The following TRANK1 variants were observed in gnomAD, a reference collection of about 807,000 sequenced individuals.
The protein encoded by TRANK1 is TPR and ankyrin repeat-containing protein 1.
In TRANK1, 198 loss-of-function variants were observed where a neutral mutation model predicts 266.0. The ratio of observed to expected loss-of-function variants is 0.74; its 90% CI spans 0.66 to 0.84. The LOEUF is 0.84. TRANK1 is among the 40% of genes least tolerant of loss of function. The probability of loss-of-function intolerance (pLI) is 0.00; values close to 1 mark genes in which losing one functional copy is unlikely to be tolerated. For synonymous variants in TRANK1, 1,396 were observed against 1,384.1 expected, an observed-to-expected ratio of 1.01 and a Z score of -0.19; for missense variants, 3,326 against 3,634.6, an observed-to-expected ratio of 0.92 and a Z score of 2.18.
rs752769164 is a variant in TRANK1 at position 36,850,056 on chromosome 3, AC to A, written c.4887+1662del. 4.1e-4 allele frequency: 407 copies of A among 985,436 alleles called. 1 individual carries two copies. Among genetic ancestry groups the A allele is most frequent in the Non-Finnish European group, 4.7e-4 (393 of 829,936 alleles). 61.0% of individuals were successfully genotyped at this position (985,436 alleles called of 1,614,324 possible). A position where few individuals can be genotyped will look rare whatever the true frequency, so the allele number is the denominator to read the frequency against. ...TTTTCTTTCACAAATAGAGCCAACC[AC>A]AATTTACAGATCCTTAAGTCCAGAG... On this transcript the variant is annotated intron_variant, in intron 15 of 23. Transcript: ENST00000645898.
rs1295088679 is a variant in TRANK1, at chr3:36,879,781, A to AATATATAAATATAATATACAAAT, written c.908-5486_908-5485insATTTGTATATTATATTTATATAT. Among the ~76,000 whole-genome samples, 9 of 67,686 alleles carry AATATATAAATATAATATACAAAT rather than the reference A, an allele frequency of 1.3e-4. 1 individual carries two copies. The highest frequency in any genetic ancestry group is 1.8e-4 in the Non-Finnish European group (7 of 38,548). The allele number at this position is 67,686 out of a possible 152,430, so 44.4% of individuals were successfully genotyped here. A position where few individuals can be genotyped will look rare whatever the true frequency, so the allele number is the denominator to read the frequency against. ...ATATAAATATATATAAATATATATA[A>AATATATAAATATAATATACAAAT]ATATGTAAATATATAAATATACAAA... On this transcript the variant is annotated intron_variant, in intron 8 of 23. Transcript: ENST00000645898.
upstream of TRANK1, chr3:36,945,164 C>A (rs2080556052): frequency 3.5e-6 from 1 of 287,226 alleles, no homozygotes; most frequent in African/African-American, 2.2e-5. Context: ...TGTCTCCCGT[C>A]ATGCAAGCAA....
At chr3:36,909,556 A>C (rs2080022716) in intron 1 of TRANK1, among the ~76,000 whole-genome samples, 1 of 152,236 alleles carries the variant, frequency 6.6e-6, no homozygotes, top group Admixed American at 6.5e-5. Context: ...ATATGTGGAC[A>C]GTTTCAGGTG....
intron 1 of TRANK1, among the ~76,000 whole-genome samples, chr3:36,942,264 A>C (rs1453685016): frequency 1.2e-4 from 18 of 152,146 alleles, no homozygotes; most frequent in Admixed American, 1.2e-3. Context: ...CTGGGAAGTC[A>C]AGAGATAAGT....
At chr3:36,887,562 ACAC>A (rs2125599278) in intron 8 of TRANK1, among the ~76,000 whole-genome samples, 2 of 152,316 alleles carry the variant, frequency 1.3e-5, no homozygotes, top group African/African-American at 4.8e-5. Flanking sequence ...CCCATGGCCC[ACAC>A]AAATTCGTAA....
At chr3:36,905,240 G>T (rs1368853022) in intron 2 of TRANK1, among the ~76,000 whole-genome samples, 1 of 149,910 alleles carries the variant, frequency 6.7e-6, no homozygotes, top group Admixed American at 6.6e-5. Context: ...GCAGTGAGCC[G>T]AGATCGTGCC....
chr3:36,875,151 T>C (rs1038171589), intron 8 of TRANK1, among the ~76,000 whole-genome samples: 1 of 152,162 alleles, frequency 6.6e-6, no homozygotes, highest in Admixed American at 6.5e-5. Context: ...CTAGCCTAGG[T>C]GCTGCTGTGA....
At position 36,834,320 on chromosome 3, in the gene TRANK1, A is replaced by G. The variant is rs2078738638; in HGVS notation, c.5664-401T>C. On this transcript the variant is annotated intron_variant, in intron 21 of 23. Transcript: ENST00000645898. ...GGTCTACAACTCTGTTCAGTTTGAT[A>G]AAATGAGAAAGGATGAAATGGGGGC... The G allele has an allele frequency of 1.6e-5, 3 of 192,046 alleles. No individual in the cohort carries two copies. In the Admixed American group the frequency reaches 1.7e-4, roughly 11 times the overall value. The allele number at this position is 192,046 out of a possible 1,614,324, so 11.9% of individuals were successfully genotyped here.
Position 36,846,327 on chromosome 3 carries a change from G to A in TRANK1, c.5112C>T (p.Asn1704=), listed in dbSNP as rs752050567. The part of the protein sequence containing the change: ...ARVNLWIFDE[N]REKRAPAFKY... ...TGAATGCGGGAGCCCGTTTCTCTCG[G>A]TTTTCATCAAAGATCCAGAGGTTGA... The change falls in exon 17 of 24, where the codon AAC becomes AAT. Residue 1704 remains asparagine (N), a synonymous_variant. Transcript: ENST00000645898. 1.2e-6 allele frequency: 2 copies of A among 1,613,756 alleles called. No individual in the cohort carries two copies. Among genetic ancestry groups the A allele is most frequent in the South Asian group, 1.1e-5 (1 of 91,048 alleles).
chr3:36,892,878 T>TAG (rs1173944571), intron 6 of TRANK1, 23 bp downstream of exon 6: 111 of 960,774 alleles, frequency 1.2e-4, no homozygotes, highest in Non-Finnish European at 1.4e-4. Context: ...TATAGATATA[T>TAG]ATAGATATAT....
At chr3:36,878,895 G>A (rs751359027) in intron 8 of TRANK1, among the ~76,000 whole-genome samples, 4 of 152,048 alleles carry the variant, frequency 2.6e-5, no homozygotes, top group Non-Finnish European at 4.4e-5. Flanking sequence ...CATCTGGATA[G>A]GGAGGCTGCT....
intron 8 of TRANK1, among the ~76,000 whole-genome samples, chr3:36,877,850 T>C (rs1433813999): frequency 6.6e-6 from 1 of 152,246 alleles, no homozygotes; most frequent in Non-Finnish European, 1.5e-5. Context: ...TTATTGACCA[T>C]CGTTCACCAG....
chr3:36,829,726 A>G, intron 22 of TRANK1, 64 bp from the exon 23 acceptor site: 1 of 1,533,454 alleles, frequency 6.5e-7, no homozygotes, highest in Non-Finnish European at 9.0e-7. Flanking sequence ...AACACCAATT[A>G]CTAGACCCAG....
At chr3:36,837,461 AT>A (rs1310579796) in intron 20 of TRANK1, among the ~76,000 whole-genome samples, 3 of 152,164 alleles carry the variant, frequency 2.0e-5, no homozygotes, top group African/African-American at 7.2e-5. Flanking sequence ...GAGTCACCAT[AT>A]TTCACATACA....
intron 9 of TRANK1, among the ~76,000 whole-genome samples, chr3:36,865,033 T>G (rs962918705): frequency 1.2e-4 from 17 of 145,734 alleles, no homozygotes; most frequent in African/African-American, 4.1e-4. Context: ...GGTTTTTTTT[T>G]TTTTTTTTTT....
At chr3:36,928,107 C>T (rs1007401164) in intron 1 of TRANK1, among the ~76,000 whole-genome samples, 2 of 152,180 alleles carry the variant, frequency 1.3e-5, no homozygotes, top group African/African-American at 4.8e-5. Context: ...TAGTTTCTTG[C>T]CCCATAGCTC....
intron 16 of TRANK1, among the ~76,000 whole-genome samples, chr3:36,846,993 T>C (rs966525357): frequency 2.0e-5 from 3 of 152,100 alleles, no homozygotes; most frequent in African/African-American, 7.2e-5. Context: ...TTTCAGACAG[T>C]ATCCACCCAT....
chr3:36,916,318 C>T (rs2125642011), intron 1 of TRANK1, among the ~76,000 whole-genome samples: 1 of 152,322 alleles, frequency 6.6e-6, no homozygotes, highest in Middle Eastern at 3.4e-3. Context: ...GTAATCCCAG[C>T]ACTTTGGGAG....
At chr3:36,944,555 G>A (rs1393249879) in intron 1 of TRANK1, among the ~76,000 whole-genome samples, 2 of 152,112 alleles carry the variant, frequency 1.3e-5, no homozygotes, top group South Asian at 4.1e-4. Flanking sequence ...GTCGCAGCGC[G>A]TGCCCTGGTC....
Sources: allele counts gnomAD v4.1 joint callset (sites outside exome capture counted in the v4.1 genomes callset), GRCh38; gene constraint gnomAD v4.1.1; transcripts MANE v1.5; gene names NCBI Gene and HGNC (gene_info 2026-07-23, HGNC 2026-07-21).